The following TRRAP variants were observed in gnomAD, a reference collection of about 807,000 sequenced individuals.
TRRAP encodes the protein transformation/transcription domain-associated protein.
In TRRAP, 41 loss-of-function variants were observed where a neutral mutation model predicts 438.8. That is an observed-to-expected ratio of 0.09 (90% CI 0.07 to 0.12). The LOEUF (loss-of-function observed/expected upper bound fraction) is 0.12. TRRAP is among the 10% of genes least tolerant of loss of function. TRRAP has a pLI of 1.00. For missense variants in TRRAP, 3,122 were observed against 5,055.1 expected (o/e 0.62, Z 11.60); for synonymous variants, 1,994 against 1,962.9 (o/e 1.02, Z -0.42).
rs781786758 is a variant in TRRAP, at chr7:98,945,764, C to T, written c.4491C>T (p.Cys1497=). ...RSDGNESISE[C]GRCPLSPFCQ... is the part of the protein sequence containing the mutation. ...ATCCTCAGGAAAGCATTTCCGAGTG[C>T]GGGAGATGTCCCTTGTCTCCATTCT... Residue 1497 remains cysteine (C), a synonymous_variant, in exon 32 of 73, where the codon TGC becomes TGT. Coordinates refer to ENST00000456197, the MANE Select transcript of TRRAP (RefSeq NM_001375524.1). 7.5e-6 allele frequency: 12 copies of T among 1,598,106 alleles called. No homozygotes were observed. Among genetic ancestry groups the T allele is most frequent in the Non-Finnish European group, 9.3e-6 (11 of 1,179,710 alleles).
rs1554412690 is a variant in TRRAP at position 98,930,837 on chromosome 7, G to A, written c.3591+7G>A. The A allele has an allele frequency of 3.7e-6, 6 of 1,614,182 alleles. No homozygotes were observed. The highest frequency in any genetic ancestry group is 5.1e-6 in the Non-Finnish European group (6 of 1,180,010). ...GATGGACTTAACTGGAGAGGTAGGT[G>A]ATGGGTGGCCCCAAACCTAACCATG... On this transcript the variant is annotated splice_region_variant and intron_variant, in intron 25 of 72. Transcript: ENST00000456197.
chr7:98,881,363 A>G, intron 2 of TRRAP, 113 bp downstream of exon 2: 1 of 952,952 alleles, frequency 1.0e-6, no homozygotes, highest in Non-Finnish European at 1.5e-6. Context: ...ACCTGATGTC[A>G]GGAGTTTGGG....
intron 20 of TRRAP, among the ~76,000 whole-genome samples, chr7:98,919,683 C>T (rs1242267441): frequency 6.6e-6 from 1 of 152,224 alleles, no homozygotes; most frequent in African/African-American, 2.4e-5. Flanking sequence ...GAGAGCCTGC[C>T]TTTAGAACAG....
chr7:98,948,236 T>A lies in TRRAP; in HGVS notation c.4564T>A (p.Ser1522Thr). 1 of 1,614,204 alleles carries A rather than the reference T, an allele frequency of 6.2e-7. No individual in the cohort carries two copies. Among genetic ancestry groups the A allele is most frequent in the South Asian group, 1.1e-5 (1 of 91,088 alleles). The part of the protein sequence containing the change: ...MEGVEEMKIC[S>T]AIINLFHLIP... Reference sequence around the variant, plus strand: ...TCTTGATCAGGAAATGAAGATTTGCTCAGCAATTATAAACCTTTTTCATCT... The same window carrying A: ...TCTTGATCAGGAAATGAAGATTTGCACAGCAATTATAAACCTTTTTCATCT... Residue 1522 changes from serine to threonine, a missense_variant, in exon 34 of 73, where the codon TCA (serine) becomes ACA (threonine). Ser to Thr is a moderately conservative substitution (Grantham distance 58). This residue lies in a region of TRRAP where 108 missense variants were observed against 256.9 expected (regional missense o/e 0.42). Transcript: ENST00000456197. The surrounding 1 kb of genome is among the most constrained non-coding windows in gnomAD (Gnocchi z 4.9).
intron 1 of TRRAP, among the ~76,000 whole-genome samples, chr7:98,880,258 TG>T (rs1433785052): frequency 1.6e-5 from 1 of 62,520 alleles, no homozygotes; most frequent in Admixed American, 1.9e-4. Flanking sequence ...TTGTTGTTGT[TG>T]TTGTTTTTTT....
chr7:98,994,534 G>A lies in TRRAP; in HGVS notation c.10048-53G>A. ...ACTCAATAGGCGCTTTTGGCTGCTG[G>A]TTCTGGAGTGGAGGGCTGTGTTTGT... is the stretch of plus-strand genomic sequence containing the variant. On this transcript the variant is annotated intron_variant, in intron 66 of 72. Coordinates refer to ENST00000456197, the MANE Select transcript of TRRAP (RefSeq NM_001375524.1). The surrounding 1 kb of genome is among the most constrained non-coding windows in gnomAD (Gnocchi z 4.8). 6.2e-7 allele frequency: 1 copy of A among 1,607,778 alleles called. No homozygotes were observed. Among genetic ancestry groups the A allele is most frequent in the Admixed American group, 1.7e-5 (1 of 59,800 alleles).
chr7:98,972,213 T>C (rs984974045), intron 53 of TRRAP, among the ~76,000 whole-genome samples: 1 of 152,116 alleles, frequency 6.6e-6, no homozygotes, highest in Non-Finnish European at 1.5e-5. Context: ...AGCTAATTTG[T>C]TAATTTTTTA....
At position 98,907,703 on chromosome 7, in the gene TRRAP, T is replaced by G. The variant is rs373433067; in HGVS notation, c.1116-1025T>G. Among the ~76,000 whole-genome samples, 803 of 152,338 alleles carry G rather than the reference T, an allele frequency of 5.3e-3. 3 individuals are homozygous for G. Among genetic ancestry groups the G allele is most frequent in the African/African-American group, 0.017 (708 of 41,578 alleles). ...CTCTGTCCACCTGTTCTACATCTTGTGTTGGTCCTTCCTCTCTGACTTGTT... is the reference window on the plus strand; with the variant it reads ...CTCTGTCCACCTGTTCTACATCTTGGGTTGGTCCTTCCTCTCTGACTTGTT... On this transcript the variant is annotated intron_variant, in intron 13 of 72. Coordinates refer to ENST00000456197, the MANE Select transcript of TRRAP (RefSeq NM_001375524.1).
intron 20 of TRRAP, 47 bp downstream of exon 20, chr7:98,917,726 T>G: frequency 6.3e-7 from 1 of 1,592,796 alleles, no homozygotes; most frequent in African/African-American, 1.3e-5. Flanking sequence ...CTGGAAGCAG[T>G]GGGCCGTCAT....
intron 51 of TRRAP, 150 bp downstream of exon 51, chr7:98,967,848 C>T: frequency 1.4e-6 from 1 of 734,392 alleles, no homozygotes; most frequent in Non-Finnish European, 2.2e-6. Flanking sequence ...AAAATAAAGA[C>T]TTCAGGGCAA....
Position 98,956,651 on chromosome 7 carries a change from A to T in TRRAP, c.6231+118A>T. On this transcript the variant is annotated intron_variant, in intron 43 of 72. Coordinates refer to ENST00000456197, the MANE Select transcript of TRRAP (RefSeq NM_001375524.1). The surrounding 1 kb of genome is among the most constrained non-coding windows in gnomAD (Gnocchi z 4.5). Reference sequence around the variant, plus strand: ...CTGCATTCAGGAGAGGAAGCTGGGAACAGCCACGGTCACCAGATTGAAACT... The same window carrying T: ...CTGCATTCAGGAGAGGAAGCTGGGATCAGCCACGGTCACCAGATTGAAACT... 2 of 1,476,140 alleles carry T rather than the reference A, an allele frequency of 1.4e-6. No homozygotes were observed. Among genetic ancestry groups the T allele is most frequent in the Non-Finnish European group, 1.8e-6 (2 of 1,110,778 alleles). The allele number at this position is 1,476,140 out of a possible 1,614,324, so 91.4% of individuals were successfully genotyped here. A position where few individuals can be genotyped will look rare whatever the true frequency, so the allele number is the denominator to read the frequency against.
At chr7:98,937,909 T>C (rs782138468) in intron 30 of TRRAP, 89 bp downstream of exon 30, 9 of 1,392,942 alleles carry the variant, frequency 6.5e-6, no homozygotes, top group Non-Finnish European at 7.5e-6. Flanking sequence ...GCACAGTGGT[T>C]CACGCCTGTA....
rs369298375 is a variant in TRRAP at position 98,948,364 on chromosome 7, T to C, written c.4668+24T>C. The C allele has an allele frequency of 2.9e-5, 47 of 1,613,884 alleles. No individual in the cohort carries two copies. The highest frequency in any genetic ancestry group is 2.5e-5 in the Non-Finnish European group (30 of 1,179,978). ...AGGTAAGGGCCATACTGAAGGCTGC[T>C]TCTCGCTCTGCCACCCTCCGGTGCT... On this transcript the variant is annotated intron_variant, in intron 34 of 72. Transcript: ENST00000456197. This position sits in a 1 kb window ranked among gnomAD's most constrained non-coding sequence, Gnocchi z 4.9.
intron 51 of TRRAP, among the ~76,000 whole-genome samples, chr7:98,968,930 A>T (rs939346651): frequency 6.6e-6 from 1 of 152,220 alleles, no homozygotes; most frequent in Non-Finnish European, 1.5e-5. Flanking sequence ...TGCTAAAAAG[A>T]CAAAGACAGA....
intron 3 of TRRAP, among the ~76,000 whole-genome samples, chr7:98,886,944 A>T (rs1177269475): frequency 6.6e-6 from 1 of 152,194 alleles, no homozygotes; most frequent in Non-Finnish European, 1.5e-5. Flanking sequence ...GCTATGGAGT[A>T]TAGTACCTAT....
intron 60 of TRRAP, 61 bp from the exon 61 acceptor site, chr7:98,984,032 G>A: frequency 6.7e-7 from 1 of 1,500,854 alleles, no homozygotes; most frequent in Non-Finnish European, 8.9e-7. Flanking sequence ...TTTAAGCCTT[G>A]TTGTGAAGTG....
chr7:99,005,460 C>A lies in TRRAP; in HGVS notation c.10753+112C>A. On this transcript the variant is annotated intron_variant, in intron 69 of 72. Coordinates refer to ENST00000456197, the MANE Select transcript of TRRAP (RefSeq NM_001375524.1). The surrounding 1 kb of genome is among the most constrained non-coding windows in gnomAD (Gnocchi z 5.1). The stretch of plus-strand genomic sequence containing the variant: ...CTCACGTTAGCCTTTGAGGGTCCAG[C>A]TGCGTCAGCAGAGAATGTTGTAGTC... 9.9e-7 allele frequency: 1 copy of A among 1,005,510 alleles called. No individual in the cohort carries two copies. Among genetic ancestry groups the A allele is most frequent in the Non-Finnish European group, 1.5e-6 (1 of 658,406 alleles). The allele number at this position is 1,005,510 out of a possible 1,614,324, so 62.3% of individuals were successfully genotyped here. A position where few individuals can be genotyped will look rare whatever the true frequency, so the allele number is the denominator to read the frequency against.
intron 19 of TRRAP, among the ~76,000 whole-genome samples, chr7:98,916,798 A>C (rs1789538444): frequency 1.3e-5 from 2 of 151,880 alleles, no homozygotes; most frequent in African/African-American, 2.4e-5. Flanking sequence ...TATCCTCCTC[A>C]TCCTTTGGAT....
At chr7:98,942,494 C>G (rs1200837777) in intron 30 of TRRAP, among the ~76,000 whole-genome samples, 2 of 152,224 alleles carry the variant, frequency 1.3e-5, no homozygotes, top group East Asian at 3.9e-4. Context: ...CTTCCTCTTA[C>G]AACACTGTAA....
Sources: gnomAD v4.1 joint callset for allele counts (sites outside exome capture counted in the v4.1 genomes callset) on GRCh38, gnomAD v4.1.1 for gene constraint, gnomAD v4.1.1 regional missense constraint, Gnocchi (gnomAD v3.1) non-coding constraint, MANE v1.5 for transcripts, NCBI Gene and HGNC (gene_info 2026-07-23, HGNC 2026-07-21) for gene names.